RIMBP2: variants seen among roughly 807,000 people sequenced by gnomAD.
RIMBP2 encodes RIMS-binding protein 2.
RIMBP2 carries 48 observed loss-of-function variants against 118.6 expected under a neutral mutation model. That is an observed-to-expected ratio of 0.40 (90% CI 0.32 to 0.51). The LOEUF is 0.51. RIMBP2 is among the 20% of genes least tolerant of loss of function. The pLI, the probability that RIMBP2 is intolerant of heterozygous loss-of-function variation, is 0.41. For missense variants in RIMBP2, 1,551 were observed against 1,768.3 expected (o/e 0.88, Z 2.20); for synonymous variants, 762 against 742.9 (o/e 1.03, Z -0.42).
intron 1 of RIMBP2, among the ~76,000 whole-genome samples, chr12:130,666,827 AAGGG>A (rs2063937621): frequency 8.4e-6 from 1 of 118,400 alleles, no homozygotes; most frequent in African/African-American, 3.2e-5. Context: ...GAGATGGAAG[AAGGG>A]AGGGAGGGAG....
chr12:130,564,606 C>T (rs184141297), intron 2 of RIMBP2, among the ~76,000 whole-genome samples: 12 of 152,254 alleles, frequency 7.9e-5, no homozygotes, highest in African/African-American at 1.9e-4. Flanking sequence ...CTTGCAACAG[C>T]GTGGATAGAC....
intron 6 of RIMBP2, among the ~76,000 whole-genome samples, chr12:130,460,274 C>T (rs1377193095): frequency 1.3e-5 from 2 of 152,146 alleles, no homozygotes; most frequent in Admixed American, 6.5e-5. Flanking sequence ...GCACAGAGGA[C>T]GCAGGCCCCT....
chr12:130,555,540 A>T (rs2056268112), intron 2 of RIMBP2, among the ~76,000 whole-genome samples: 1 of 152,220 alleles, frequency 6.6e-6, no homozygotes, highest in Admixed American at 6.5e-5. Flanking sequence ...TGATTATATT[A>T]TTACAGAAAA....
At chr12:130,567,161 T>A (rs2057278112) in intron 2 of RIMBP2, among the ~76,000 whole-genome samples, 1 of 152,180 alleles carries the variant, frequency 6.6e-6, no homozygotes, top group Admixed American at 6.5e-5. Flanking sequence ...CAAGGAAGCT[T>A]TTGAGATGTC....
At chr12:130,404,011 A>G (rs2074907828) in intron 21 of RIMBP2, among the ~76,000 whole-genome samples, 1 of 152,260 alleles carries the variant, frequency 6.6e-6, no homozygotes, top group Admixed American at 6.5e-5. Flanking sequence ...ACTAAAATAC[A>G]TAACGAGTCA....
intron 22 of RIMBP2, among the ~76,000 whole-genome samples, chr12:130,399,458 T>C (rs1440047269): frequency 1.3e-5 from 2 of 152,106 alleles, no homozygotes; most frequent in Admixed American, 6.6e-5. Flanking sequence ...TAAAGGCAGA[T>C]TGATTGATTA....
chr12:130,607,893 G>A lies in RIMBP2; in HGVS notation c.-217+20429C>T, dbSNP rs2060282721. Reference sequence around the variant, plus strand: ...AGGCCATGACTCCACCAAAAGGGGAGCTCCCAGCAGGATGTGGGAATGTGT... The same window carrying A: ...AGGCCATGACTCCACCAAAAGGGGAACTCCCAGCAGGATGTGGGAATGTGT... On this transcript the variant is annotated intron_variant, in intron 2 of 22. Coordinates refer to ENST00000690449, the MANE Select transcript of RIMBP2 (RefSeq NM_001393629.1). 2.6e-5 allele frequency among the ~76,000 whole-genome samples: 4 copies of A among 152,084 alleles called. No homozygotes were observed. The South Asian group carries it at 6.2e-4, about 24-fold the overall frequency.
chr12:130,490,631 C>T (rs1283615373), intron 4 of RIMBP2, among the ~76,000 whole-genome samples: 1 of 152,106 alleles, frequency 6.6e-6, no homozygotes, highest in Non-Finnish European at 1.5e-5. Flanking sequence ...GTTCCAGCTG[C>T]CATTTCTCTC....
At chr12:130,472,660 A>C (rs2081107701) in intron 5 of RIMBP2, among the ~76,000 whole-genome samples, 1 of 152,212 alleles carries the variant, frequency 6.6e-6, no homozygotes, top group African/African-American at 2.4e-5. Flanking sequence ...CATTATCTTA[A>C]CAGTTTCTAC....
In RIMBP2 at chr12:130,498,873, C is replaced by T. The variant is rs565162514; in HGVS notation, c.-4+7775G>A. Among the ~76,000 whole-genome samples, 13 of 152,312 alleles carry T rather than the reference C, an allele frequency of 8.5e-5. No individual in the cohort carries two copies. The East Asian group carries it at 2.5e-3, about 29-fold the overall frequency. On this transcript the variant is annotated intron_variant, in intron 4 of 22. Coordinates refer to ENST00000690449, the MANE Select transcript of RIMBP2 (RefSeq NM_001393629.1). ...GTAGCTGCCCAGTCAACCCACACAG[C>T]CATGAGACATCAACACAAATCACTA...
At chr12:130,657,428 C>T (rs988741209) in intron 1 of RIMBP2, among the ~76,000 whole-genome samples, 2 of 152,188 alleles carry the variant, frequency 1.3e-5, no homozygotes, top group African/African-American at 4.8e-5. Flanking sequence ...GGCTCCCAGC[C>T]GGAAGCAGGC....
In RIMBP2 at chr12:130,473,597, C is replaced by A. The variant is rs976278807; in HGVS notation, c.103-2854G>T. Among the ~76,000 whole-genome samples the A allele has an allele frequency of 3.3e-5, 5 of 152,294 alleles. No homozygotes were observed. In the South Asian group the frequency reaches 8.3e-4, roughly 25 times the overall value. On this transcript the variant is annotated intron_variant, in intron 5 of 22. Coordinates refer to ENST00000690449, the MANE Select transcript of RIMBP2 (RefSeq NM_001393629.1). ...TAGATGGAGCAGAGTGAGGGAGGGG[C>A]CTCCGTGGGCGTTATGAAACGTTAG... is the stretch of plus-strand genomic sequence containing the variant.
At chr12:130,513,777 G>C (rs1208911168) in intron 3 of RIMBP2, among the ~76,000 whole-genome samples, 3 of 152,204 alleles carry the variant, frequency 2.0e-5, no homozygotes, top group African/African-American at 7.2e-5. Context: ...TGACACTGCA[G>C]TCTCTTTGCA....
At chr12:130,480,748 C>G (rs1048387442) in intron 4 of RIMBP2, among the ~76,000 whole-genome samples, 2 of 152,184 alleles carry the variant, frequency 1.3e-5, no homozygotes, top group East Asian at 1.9e-4. Context: ...TTACAGGTGC[C>G]CACCACCATG....
At chr12:130,673,644 TG>T (rs1245457934) in intron 1 of RIMBP2, among the ~76,000 whole-genome samples, 6 of 152,202 alleles carry the variant, frequency 3.9e-5, no homozygotes, top group Non-Finnish European at 5.9e-5. Flanking sequence ...ACTGCATTCA[TG>T]GAACCTCAGA....
intron 1 of RIMBP2, among the ~76,000 whole-genome samples, chr12:130,666,576 G>A (rs183993216): frequency 8.3e-4 from 127 of 152,200 alleles, no homozygotes; most frequent in African/African-American, 2.9e-3. Flanking sequence ...ACAAAGGAGA[G>A]GTGGTAACTA....
Position 130,446,321 on chromosome 12 carries a change from C to A in RIMBP2, c.582-1052G>T, listed in dbSNP as rs149115456. 6.6e-6 allele frequency among the ~76,000 whole-genome samples: 1 copy of A among 152,184 alleles called. No individual in the cohort carries two copies. The highest frequency in any genetic ancestry group is 1.5e-5 in the Non-Finnish European group (1 of 68,040). On this transcript the variant is annotated intron_variant, in intron 9 of 22. Coordinates refer to ENST00000690449, the MANE Select transcript of RIMBP2 (RefSeq NM_001393629.1). The surrounding 1 kb of genome is among the most constrained non-coding windows in gnomAD (Gnocchi z 4.1). ...TGTGCAGTTTACCAACACTTTCATA[C>A]ACGTTTTATTCGATGGCCATTAAAT...
intron 1 of RIMBP2, among the ~76,000 whole-genome samples, chr12:130,646,530 T>C (rs1352105106): frequency 1.3e-5 from 2 of 152,152 alleles, no homozygotes; most frequent in Non-Finnish European, 2.9e-5. Flanking sequence ...TCTGCTCCCA[T>C]TTCCTCCTCG....
Position 130,436,954 on chromosome 12 carries a change from C to A in RIMBP2, c.1994G>T (p.Arg665Leu). The part of the protein sequence containing the change: ...MLEPPVGPGR[R>L]SPSPSRILPQ... Reference sequence around the variant, plus strand: ...CAGGATGCGGCTGGGTGAGGGCGACCGCCTTCCGGGGCCCACGGGCGGCTC... The same window carrying A: ...CAGGATGCGGCTGGGTGAGGGCGACAGCCTTCCGGGGCCCACGGGCGGCTC... The change falls in exon 13 of 23, where the codon CGG becomes CTG. Residue 665 changes from arginine to leucine, a missense_variant. Arg to Leu is a moderately radical substitution (Grantham distance 102). Coordinates refer to ENST00000690449, the MANE Select transcript of RIMBP2 (RefSeq NM_001393629.1). The A allele has an allele frequency of 6.2e-7, 1 of 1,605,072 alleles. No homozygotes were observed. The highest frequency in any genetic ancestry group is 8.5e-7 in the Non-Finnish European group (1 of 1,176,914).
Sources: gnomAD v4.1 joint callset for allele counts (sites outside exome capture counted in the v4.1 genomes callset) on GRCh38, gnomAD v4.1.1 for gene constraint, Gnocchi (gnomAD v3.1) non-coding constraint, MANE v1.5 for transcripts, NCBI Gene and HGNC (gene_info 2026-07-23, HGNC 2026-07-21) for gene names.